The following NOMO2 variants were observed in gnomAD, a reference collection of about 807,000 sequenced individuals.
The protein encoded by NOMO2 is NODAL modulator 2, also known as BOS complex subunit NOMO2.
In NOMO2, 14 loss-of-function variants were observed where a neutral mutation model predicts 67.1. The ratio of observed to expected loss-of-function variants is 0.21; its 90% confidence interval spans 0.14 to 0.33. The LOEUF is 0.33. Among genes scored for constraint, NOMO2 ranks in the 10% least tolerant of loss-of-function variants. NOMO2 has a pLI of 1.00. For synonymous variants in NOMO2, 80 were observed against 305.9 expected (o/e 0.26, Z 7.71); for missense variants, 178 against 761.0 (o/e 0.23, Z 9.01).
At chr16:18,531,673 C>G in intron 12 of NOMO2, 66 bp from the exon 13 acceptor site, 1 of 1,601,668 alleles carries the variant, frequency 6.2e-7, no homozygotes, top group African/African-American at 1.3e-5. Context: ...ACCTACAGGG[C>G]GCTAGAACAT....
At position 18,537,322 on chromosome 16, in the gene NOMO2, C is replaced by T. The variant is rs538677217; in HGVS notation, c.1220+1204G>A. Reference sequence around the variant, plus strand: ...TCCCTGACTTCCCTACAAGGCAAGCCCTTGTCGTCTCTGCTTTCAGACCTC... The same window carrying T: ...TCCCTGACTTCCCTACAAGGCAAGCTCTTGTCGTCTCTGCTTTCAGACCTC... On this transcript the variant is annotated intron_variant, in intron 11 of 30. Coordinates refer to ENST00000622306, the MANE Select transcript of NOMO2 (RefSeq NM_173614.4). Among the ~76,000 whole-genome samples, 20 of 150,594 alleles carry T rather than the reference C, an allele frequency of 1.3e-4. No homozygotes were observed. The South Asian group carries it at 4.0e-3, about 30-fold the overall frequency.
chr16:18,528,980 AAAAAAAAAATAC>A (rs1901219825), intron 15 of NOMO2, among the ~76,000 whole-genome samples: 1 of 102,128 alleles, frequency 9.8e-6, no homozygotes, highest in African/African-American at 3.5e-5. Context: ...AAAAAAAAAA[AAAAAAAAAATAC>A]ATATATATAT....
intron 4 of NOMO2, among the ~76,000 whole-genome samples, 153 bp downstream of exon 4, chr16:18,551,275 TCTACACGGATG>T (rs1901781154): frequency 6.6e-6 from 1 of 151,966 alleles, no homozygotes; most frequent in African/African-American, 2.4e-5. Flanking sequence ...CCTGCTGCGT[TCTACACGGATG>T]AAGTACAGAG....
intron 14 of NOMO2, among the ~76,000 whole-genome samples, 190 bp downstream of exon 14, chr16:18,530,847 C>T (rs1216965284): frequency 5.0e-4 from 47 of 94,306 alleles, no homozygotes; most frequent in Non-Finnish European, 8.3e-4. Context: ...GACAAGGTGG[C>T]GGTCAGCTCA....
rs1255296558 is a variant in NOMO2, at chr16:18,531,560, G to A, written c.1443C>T (p.Pro481=). Reference sequence around the variant, plus strand: ...CGGTCACAGTAAGAGGAAATGTCTGGGGTTTCAACGTCAGCCCTGCTCTGG... The same window carrying A: ...CGGTCACAGTAAGAGGAAATGTCTGAGGTTTCAACGTCAGCCCTGCTCTGG... ...AETRAGLTLK[P]QTFPLTVTDR... The change falls in exon 13 of 31, where the codon CCC becomes CCT. Residue 481 remains proline, a synonymous_variant. Transcript: ENST00000622306. 6.2e-7 allele frequency: 1 copy of A among 1,610,226 alleles called. No individual in the cohort carries two copies. The highest frequency in any genetic ancestry group is 1.1e-5 in the South Asian group (1 of 90,782).
At chr16:18,544,692 G>A (rs1313302367) in intron 6 of NOMO2, among the ~76,000 whole-genome samples, 1 of 152,044 alleles carries the variant, frequency 6.6e-6, no homozygotes, top group East Asian at 1.9e-4. Flanking sequence ...GGCTCAGGGG[G>A]CTGCCCAATT....
intron 3 of NOMO2, among the ~76,000 whole-genome samples, chr16:18,553,321 ATATTTATGCAT>A (rs1567246324): frequency 6.6e-6 from 1 of 151,472 alleles, no homozygotes; most frequent in African/African-American, 2.4e-5. Context: ...AAATAATTTT[ATATTTATGCAT>A]CAGAATTCTC....
At chr16:18,559,922 G>C (rs1323574163) in intron 1 of NOMO2, among the ~76,000 whole-genome samples, 1 of 151,632 alleles carries the variant, frequency 6.6e-6, no homozygotes, top group African/African-American at 2.4e-5. Flanking sequence ...AGTCTCATGA[G>C]AGTATGGAGT....
intron 1 of NOMO2, among the ~76,000 whole-genome samples, chr16:18,561,173 T>TAAAAAAAAAAAAAAAAAAAAAAAAA (rs756246897): frequency 6.2e-5 from 2 of 32,452 alleles, no homozygotes; most frequent in African/African-American, 1.2e-4. Context: ...ACAACTTAAT[T>TAAAAAAAAAAAAAAAAAAAAAAAAA]AAAAAAAAAA....
intron 11 of NOMO2, among the ~76,000 whole-genome samples, chr16:18,536,347 C>T (rs1682874368): frequency 1.3e-5 from 2 of 152,254 alleles, no homozygotes; most frequent in African/African-American, 4.8e-5. Context: ...AGAGCTCCCA[C>T]TCTAAATTAG....
chr16:18,536,538 ATGT>A (rs1458963352), intron 11 of NOMO2, among the ~76,000 whole-genome samples: 1 of 151,622 alleles, frequency 6.6e-6, no homozygotes, highest in Admixed American at 6.6e-5. Context: ...TTTGGTAGAG[ATGT>A]TGTTTTCCCA....
chr16:18,534,886 G>A (rs1231319413), intron 11 of NOMO2, among the ~76,000 whole-genome samples: 2 of 11,540 alleles, frequency 1.7e-4, no homozygotes, highest in Non-Finnish European at 4.8e-4. Context: ...CTTAAAAATT[G>A]ATTTGTATCA....
chr16:18,556,390 C>A (rs1450763118), intron 2 of NOMO2, among the ~76,000 whole-genome samples: 1 of 151,418 alleles, frequency 6.6e-6, no homozygotes, highest in African/African-American at 2.4e-5. Flanking sequence ...TTGCAGTGAG[C>A]CGAGATCGCG....
At chr16:18,535,832 T>G (rs1027650893) in intron 11 of NOMO2, among the ~76,000 whole-genome samples, 2 of 151,948 alleles carry the variant, frequency 1.3e-5, no homozygotes, top group Non-Finnish European at 2.9e-5. Context: ...AATCTCACCC[T>G]GTCGGCCAGG....
At chr16:18,526,768 A>C (rs868329637) in intron 16 of NOMO2, among the ~76,000 whole-genome samples, 3 of 152,080 alleles carry the variant, frequency 2.0e-5, no homozygotes, top group Non-Finnish European at 4.4e-5. Context: ...CAATGGGCAC[A>C]GAGGATCTTA....
At chr16:18,526,213 C>A (rs879064238) in intron 16 of NOMO2, among the ~76,000 whole-genome samples, 2 of 152,044 alleles carry the variant, frequency 1.3e-5, no homozygotes, top group Admixed American at 6.6e-5. Flanking sequence ...ACAAAACCAC[C>A]ATGAGACACA....
At chr16:18,558,775 C>T (rs1434271570) in intron 1 of NOMO2, 3 of 449,862 alleles carry the variant, frequency 6.7e-6, no homozygotes, top group Admixed American at 4.7e-5. Flanking sequence ...AGCTCGTGTT[C>T]GGTTTCTTCA....
At chr16:18,531,387 A>C in intron 13 of NOMO2, 79 bp downstream of exon 13, 2 of 1,611,748 alleles carry the variant, frequency 1.2e-6, no homozygotes, top group South Asian at 2.2e-5. Context: ...CAAAGGCAAA[A>C]GGAAAAGTTT....
At chr16:18,554,481 T>A (rs1488537863) in intron 3 of NOMO2, among the ~76,000 whole-genome samples, 1 of 151,904 alleles carries the variant, frequency 6.6e-6, no homozygotes, top group Non-Finnish European at 1.5e-5. Context: ...AAAGAAGCCA[T>A]CCTGGGACGG....
Sources: gnomAD v4.1 joint callset for allele counts (sites outside exome capture counted in the v4.1 genomes callset) on GRCh38, gnomAD v4.1.1 for gene constraint, MANE v1.5 for transcripts, NCBI Gene and HGNC (gene_info 2026-07-23, HGNC 2026-07-21) for gene names.